Variants in GPHN observed in about 807,000 individuals in gnomAD.
GPHN encodes gephyrin.
GPHN carries 17 observed loss-of-function variants against 95.5 expected under a neutral mutation model. The observed-to-expected ratio is 0.18, with a 90% CI of 0.12 to 0.27. The LOEUF (loss-of-function observed/expected upper bound fraction) is 0.27, where lower values mean the gene tolerates loss of function less well. Ranked by LOEUF, GPHN falls within the 10% of genes least tolerant of loss-of-function variation. The probability of loss-of-function intolerance (pLI) is 1.00; values close to 1 mark genes in which losing one functional copy is unlikely to be tolerated. For missense variants in GPHN, 660 were observed against 978.1 expected, an observed-to-expected ratio of 0.67 and a Z score of 4.34; for synonymous variants, 320 against 322.5, an observed-to-expected ratio of 0.99 and a Z score of 0.08.
At chr14:67,060,157 A>C (rs2075767299) in intron 11 of GPHN, among the ~76,000 whole-genome samples, 1 of 151,032 alleles carries the variant, frequency 6.6e-6, no homozygotes, top group African/African-American at 2.4e-5. Context: ...CCTTAGAAAA[A>C]TCTCACCATG....
chr14:67,704,493 C>A, the GPHN span, among the ~76,000 whole-genome samples: 15 of 152,224 alleles, frequency 9.9e-5, no homozygotes, highest in African/African-American at 3.6e-4. Context: ...CCATTTTGGC[C>A]ACTGCTGCTT....
the GPHN span, among the ~76,000 whole-genome samples, chr14:67,591,472 G>C: frequency 6.6e-6 from 1 of 152,152 alleles, no homozygotes; most frequent in Non-Finnish European, 1.5e-5. Context: ...AGGGTTAACT[G>C]TATACATAAA....
intron 3 of GPHN, among the ~76,000 whole-genome samples, chr14:66,810,985 G>A (rs1287586516): frequency 6.6e-6 from 1 of 152,118 alleles, no homozygotes; most frequent in African/African-American, 2.4e-5. Context: ...AAAACTAAAA[G>A]TAGTTTTTAA....
chr14:66,510,415 A>G (rs1258063244), intron 1 of GPHN, among the ~76,000 whole-genome samples: 3 of 152,254 alleles, frequency 2.0e-5, no homozygotes, highest in South Asian at 2.1e-4. Context: ...TAACGAATCA[A>G]CTTACCTTTG....
At chr14:66,669,256 C>T (rs992790150) in intron 1 of GPHN, among the ~76,000 whole-genome samples, 3 of 151,328 alleles carry the variant, frequency 2.0e-5, no homozygotes, top group Non-Finnish European at 2.9e-5. Context: ...CCCAGCTACT[C>T]AGGAGGCTGA....
At chr14:67,576,612 A>G in the GPHN span, 6 of 595,528 alleles carry the variant, frequency 1.0e-5, no homozygotes, top group South Asian at 1.2e-4. The surrounding 1 kb of genome is among the most constrained non-coding windows in gnomAD (Gnocchi z 4.0). Flanking sequence ...TTTTTAAAAC[A>G]TCTAAGCCAC....
chr14:67,692,004 T>A, the GPHN span: 1 of 156,238 alleles, frequency 6.4e-6, no homozygotes, highest in Non-Finnish European at 1.4e-5. Context: ...CTTTGTCATG[T>A]CTCTGAGCTG....
chr14:67,565,370 AGC>A, the GPHN span, among the ~76,000 whole-genome samples: 1 of 152,080 alleles, frequency 6.6e-6, no homozygotes, highest in Non-Finnish European at 1.5e-5. Flanking sequence ...CAGCCTTCTG[AGC>A]AGCTGGGACT....
intron 11 of GPHN, among the ~76,000 whole-genome samples, chr14:67,068,124 AGTTATG>A (rs75910274): frequency 0.069 from 10,486 of 152,222 alleles, 518 homozygotes; most frequent in Non-Finnish European, 0.11. Flanking sequence ...TTAGACAAAT[AGTTATG>A]GTTACAACAA....
the GPHN span, among the ~76,000 whole-genome samples, chr14:67,242,533 C>G: frequency 6.6e-6 from 1 of 151,990 alleles, no homozygotes; most frequent in Non-Finnish European, 1.5e-5. Flanking sequence ...TTAAATTATG[C>G]AATAGGAACA....
chr14:66,824,582 C>A lies in GPHN; in HGVS notation c.294+16C>A. ...CACTCCAGAGGTGAGATAGTACATG[C>A]CTTTTCATATTCAAGGATTAAACTA... On this transcript the variant is annotated intron_variant, in intron 4 of 22. Coordinates refer to ENST00000478722, the MANE Select transcript of GPHN (RefSeq NM_020806.5). 8.8e-7 allele frequency: 1 copy of A among 1,132,272 alleles called. No individual in the cohort carries two copies. The highest frequency in any genetic ancestry group is 1.4e-6 in the Non-Finnish European group (1 of 740,298). 70.1% of individuals were successfully genotyped at this position (1,132,272 alleles called of 1,614,324 possible). A position where few individuals can be genotyped will look rare whatever the true frequency, so the allele number is the denominator to read the frequency against.
intron 9 of GPHN, among the ~76,000 whole-genome samples, chr14:66,999,655 GA>G (rs557069989): frequency 4.7e-5 from 7 of 149,256 alleles, no homozygotes; most frequent in Middle Eastern, 3.4e-3. Context: ...CAAGCAAAGT[GA>G]AAAAAAAAGA....
intron 4 of GPHN, chr14:66,842,693 C>A (rs1452180826): frequency 6.5e-7 from 1 of 1,534,800 alleles, no homozygotes. Context: ...CCCAACATTC[C>A]CATTTTGTGG....
chr14:66,556,789 T>C (rs897208642), intron 1 of GPHN, among the ~76,000 whole-genome samples: 1 of 152,192 alleles, frequency 6.6e-6, no homozygotes, highest in Non-Finnish European at 1.5e-5. Flanking sequence ...TATTTCATTA[T>C]AATTTTAAAT....
chr14:67,398,127 T>C, the GPHN span: 24 of 258,088 alleles, frequency 9.3e-5, no homozygotes, highest in Admixed American at 2.2e-4. Context: ...TGCTAACATA[T>C]TGTATTTCCT....
the GPHN span, among the ~76,000 whole-genome samples, chr14:67,594,271 C>A: frequency 6.6e-6 from 1 of 152,088 alleles, no homozygotes; most frequent in Non-Finnish European, 1.5e-5. Context: ...ATCGTTTGAG[C>A]CCAGGAGTTC....
At chr14:66,858,390 G>A (rs1288746849) in intron 4 of GPHN, among the ~76,000 whole-genome samples, 1 of 151,782 alleles carries the variant, frequency 6.6e-6, no homozygotes, top group Non-Finnish European at 1.5e-5. Context: ...CTTAGCTCCC[G>A]GACAACATTT....
the GPHN span, among the ~76,000 whole-genome samples, chr14:67,328,708 T>C: frequency 6.6e-6 from 1 of 152,226 alleles, no homozygotes; most frequent in South Asian, 2.1e-4. Context: ...CTAGCCAGTT[T>C]TCCCAGCACC....
chr14:66,658,604 C>T (rs924666052), intron 1 of GPHN, among the ~76,000 whole-genome samples: 2 of 152,102 alleles, frequency 1.3e-5, no homozygotes, highest in African/African-American at 2.4e-5. Context: ...CTTTACATCT[C>T]ATTGAAGGGT....
Sources: gnomAD v4.1 joint callset for allele counts (sites outside exome capture counted in the v4.1 genomes callset) on GRCh38, gnomAD v4.1.1 for gene constraint, Gnocchi (gnomAD v3.1) non-coding constraint, MANE v1.5 for transcripts, NCBI Gene and HGNC (gene_info 2026-07-23, HGNC 2026-07-21) for gene names.